The following GALNT18 variants were observed in gnomAD, a reference collection of about 807,000 sequenced individuals.
The protein encoded by GALNT18 is GalNAc-transferase 18.
Under a neutral mutation model 69.5 loss-of-function variants are expected in GALNT18, and 44 were observed. The observed-to-expected ratio is 0.63, with a 90% CI of 0.50 to 0.81. GALNT18 has a LOEUF of 0.81. Ranked by LOEUF, GALNT18 falls within the 40% of genes least tolerant of loss-of-function variation. GALNT18 has a pLI of 0.00. For synonymous variants in GALNT18, 364 were observed against 318.2 expected, an observed-to-expected ratio of 1.14 and a Z score of -1.53; for missense variants, 715 against 810.0, an observed-to-expected ratio of 0.88 and a Z score of 1.42.
chr11:11,434,168 C>T (rs1340941722), intron 2 of GALNT18, among the ~76,000 whole-genome samples: 2 of 152,136 alleles, frequency 1.3e-5, no homozygotes, highest in African/African-American at 4.8e-5. Context: ...ATCAGCATCT[C>T]CATGGTTACC....
rs577978652 is a variant in GALNT18, at chr11:11,302,404, A to C, written c.1513-9211T>G. Among the ~76,000 whole-genome samples the C allele has an allele frequency of 2.6e-5, 4 of 152,242 alleles. No homozygotes were observed. The South Asian group carries it at 8.3e-4, about 32-fold the overall frequency. On this transcript the variant is annotated intron_variant, in intron 9 of 10. Transcript: ENST00000227756. ...CAGGGCTTGCAAACTCTCCTGATCT[A>C]GGCCTTAGCCCCTCATCCAGATTCT...
rs1854489600 is a variant in GALNT18 at position 11,402,443 on chromosome 11, C to CCT, written c.596-23181_596-23180dup. Reference sequence around the variant, plus strand: ...ACCAGGCTTTGATGGTGGGTGGCTTCCTCTGATCTGCTGCCATGCTGGGCA... The same window carrying CCT: ...ACCAGGCTTTGATGGTGGGTGGCTTCCTCTCTGATCTGCTGCCATGCTGGGCA... On this transcript the variant is annotated intron_variant, in intron 3 of 10. Transcript: ENST00000227756. This position sits in a 1 kb window ranked among gnomAD's most constrained non-coding sequence, Gnocchi z 4.0. 6.6e-6 allele frequency among the ~76,000 whole-genome samples: 1 copy of CCT among 152,212 alleles called. No individual in the cohort carries two copies. Among genetic ancestry groups the CCT allele is most frequent in the Non-Finnish European group, 1.5e-5 (1 of 68,044 alleles).
At chr11:11,365,484 A>C (rs554528020) in intron 6 of GALNT18, among the ~76,000 whole-genome samples, 1 of 152,288 alleles carries the variant, frequency 6.6e-6, no homozygotes, top group South Asian at 2.1e-4. Flanking sequence ...TATAGTAGAA[A>C]GATTTATATT....
rs963440896 is a variant in GALNT18 at position 11,372,506 on chromosome 11, C to A, written c.1092+9G>T. On this transcript the variant is annotated intron_variant, in intron 6 of 10. Coordinates refer to ENST00000227756, the MANE Select transcript of GALNT18 (RefSeq NM_198516.3). This position sits in a 1 kb window ranked among gnomAD's most constrained non-coding sequence, Gnocchi z 4.9. ...GAGCCGAGCAGTTTGAGTGAGAAAC[C>A]CCACTCACCCTGATCCCAAGCTCCA... 1.2e-6 allele frequency: 2 copies of A among 1,610,938 alleles called. No homozygotes were observed. The highest frequency in any genetic ancestry group is 8.5e-7 in the Non-Finnish European group (1 of 1,177,098).
Position 11,434,800 on chromosome 11 carries a change from C to T in GALNT18, c.429-2013G>A, listed in dbSNP as rs553796899. Among the ~76,000 whole-genome samples the T allele has an allele frequency of 9.9e-5, 15 of 152,240 alleles. No individual in the cohort carries two copies. The South Asian group carries it at 1.5e-3, about 15-fold the overall frequency. On this transcript the variant is annotated intron_variant, in intron 2 of 10. Coordinates refer to ENST00000227756, the MANE Select transcript of GALNT18 (RefSeq NM_198516.3). ...GACTGGTATGCCTTCTGAAGCTCAT[C>T]GGATCTTTTTCAATTTTTTGGAAAA... is the stretch of plus-strand genomic sequence containing the variant.
intron 1 of GALNT18, among the ~76,000 whole-genome samples, chr11:11,460,056 T>G (rs796068275): frequency 3.0e-4 from 45 of 152,306 alleles, no homozygotes; most frequent in African/African-American, 8.9e-4. Context: ...TGACCTTCTC[T>G]TCAGCCCCTT....
chr11:11,464,043 T>C (rs1856106167), intron 1 of GALNT18, among the ~76,000 whole-genome samples: 1 of 151,928 alleles, frequency 6.6e-6, no homozygotes, highest in Admixed American at 6.6e-5. Context: ...TAAGCAAAGG[T>C]TTTGGACAAA....
chr11:11,351,356 G>T (rs1339680777), intron 6 of GALNT18, among the ~76,000 whole-genome samples: 1 of 152,194 alleles, frequency 6.6e-6, no homozygotes, highest in Non-Finnish European at 1.5e-5. Context: ...ATGACATACA[G>T]CTCCAGGTTC....
rs1428806023 is a variant in GALNT18 at position 11,463,211 on chromosome 11, C to G, written c.236-14275G>C. ...ATACACACTCAGACAGACAGACAGA[C>G]ACACACACACACACAGAGAGAGAGA... On this transcript the variant is annotated intron_variant, in intron 1 of 10. Transcript: ENST00000227756. The surrounding 1 kb of genome is among the most constrained non-coding windows in gnomAD (Gnocchi z 4.2). 1.5e-4 allele frequency among the ~76,000 whole-genome samples: 2 copies of G among 13,688 alleles called. No individual in the cohort carries two copies. The highest frequency in any genetic ancestry group is 3.3e-4 in the African/African-American group (2 of 6,012). 9.0% of individuals were successfully genotyped at this position (13,688 alleles called of 152,430 possible). A position where few individuals can be genotyped will look rare whatever the true frequency, so the allele number is the denominator to read the frequency against.
chr11:11,612,428 G>A (rs765663330), intron 1 of GALNT18, among the ~76,000 whole-genome samples: 6 of 152,096 alleles, frequency 3.9e-5, no homozygotes, highest in African/African-American at 7.2e-5. Flanking sequence ...CTCATTTGTC[G>A]CTTCAAATCT....
In GALNT18 at chr11:11,341,999, A is replaced by G. The variant is rs972352866; in HGVS notation, c.1093-995T>C. 6.6e-6 allele frequency among the ~76,000 whole-genome samples: 1 copy of G among 151,766 alleles called. No individual in the cohort carries two copies. Among genetic ancestry groups the G allele is most frequent in the Non-Finnish European group, 1.5e-5 (1 of 67,978 alleles). On this transcript the variant is annotated intron_variant, in intron 6 of 10. Transcript: ENST00000227756. The surrounding 1 kb of genome is among the most constrained non-coding windows in gnomAD (Gnocchi z 6.3). ...TTTTTTTTAAAAAGACCTTGACTAT[A>G]TGGCCCCAACATTGTGGAGTCTTTG...
chr11:11,273,744 C>T (rs1181824457), intron 10 of GALNT18, among the ~76,000 whole-genome samples: 1 of 152,162 alleles, frequency 6.6e-6, no homozygotes, highest in African/African-American at 2.4e-5. Flanking sequence ...TCTGCACTCC[C>T]ATGTTTATTG....
chr11:11,391,144 G>T (rs1031057776), intron 3 of GALNT18, among the ~76,000 whole-genome samples: 3 of 152,210 alleles, frequency 2.0e-5, no homozygotes, highest in Non-Finnish European at 4.4e-5. Context: ...ATCCCCAGGT[G>T]CAGGACACAG....
chr11:11,620,354 C>G lies in GALNT18; in HGVS notation c.235+1005G>C, dbSNP rs1029033437. ...GCGCGTGTGTGTGTGTGTGTGCACACCCGGCACCAGTGCTCCTGGCGCCCG... is the reference window on the plus strand; with the variant it reads ...GCGCGTGTGTGTGTGTGTGTGCACAGCCGGCACCAGTGCTCCTGGCGCCCG... On this transcript the variant is annotated intron_variant, in intron 1 of 10. Transcript: ENST00000227756. This position sits in a 1 kb window ranked among gnomAD's most constrained non-coding sequence, Gnocchi z 6.9. Among the ~76,000 whole-genome samples the G allele has an allele frequency of 6.7e-6, 1 of 148,258 alleles. No individual in the cohort carries two copies. Among genetic ancestry groups the G allele is most frequent in the Non-Finnish European group, 1.5e-5 (1 of 67,870 alleles).
intron 5 of GALNT18, among the ~76,000 whole-genome samples, chr11:11,376,600 T>A (rs1853767412): frequency 6.6e-6 from 1 of 152,158 alleles, no homozygotes; most frequent in African/African-American, 2.4e-5. Flanking sequence ...AGGTATACAC[T>A]GTCCTGTGGG....
Position 11,608,214 on chromosome 11 carries a change from G to T in GALNT18, c.235+13145C>A, listed in dbSNP as rs1224141094. 4.6e-5 allele frequency among the ~76,000 whole-genome samples: 7 copies of T among 152,284 alleles called. No homozygotes were observed. The South Asian group carries it at 1.2e-3, about 27-fold the overall frequency. On this transcript the variant is annotated intron_variant, in intron 1 of 10. Transcript: ENST00000227756. ...TCTGATATACTAGGTGTTACAACCA[G>T]AAAATATATTCCTGACCGTATTTTC...
chr11:11,579,273 G>A (rs893046968), intron 1 of GALNT18, among the ~76,000 whole-genome samples: 1 of 152,210 alleles, frequency 6.6e-6, no homozygotes, highest in Non-Finnish European at 1.5e-5. Flanking sequence ...GCTGGATCTA[G>A]GGAGCCCTGA....
At chr11:11,527,980 C>T (rs985355632) in intron 1 of GALNT18, among the ~76,000 whole-genome samples, 13 of 152,208 alleles carry the variant, frequency 8.5e-5, no homozygotes, top group Admixed American at 6.5e-5. Context: ...CTGTGCTAAG[C>T]ACTTAGCATG....
Position 11,614,224 on chromosome 11 carries a change from G to A in GALNT18, c.235+7135C>T, listed in dbSNP as rs143851679. Among the ~76,000 whole-genome samples the A allele has an allele frequency of 1.9e-3, 294 of 152,132 alleles. 1 individual carries two copies. Among genetic ancestry groups the A allele is most frequent in the African/African-American group, 6.6e-3 (274 of 41,484 alleles). On this transcript the variant is annotated intron_variant, in intron 1 of 10. Coordinates refer to ENST00000227756, the MANE Select transcript of GALNT18 (RefSeq NM_198516.3). This position sits in a 1 kb window ranked among gnomAD's most constrained non-coding sequence, Gnocchi z 5.6. ...TGGCTCATAGTTCTGCAAGCTGTTC[G>A]AAGTCCAGCATCTGCTAGGCTCCTG...
Sources: gnomAD v4.1 joint callset for allele counts (sites outside exome capture counted in the v4.1 genomes callset) on GRCh38, gnomAD v4.1.1 for gene constraint, Gnocchi (gnomAD v3.1) non-coding constraint, MANE v1.5 for transcripts, NCBI Gene and HGNC (gene_info 2026-07-23, HGNC 2026-07-21) for gene names.